KCNK2: variants seen among roughly 807,000 people sequenced by gnomAD.
The protein encoded by KCNK2 is potassium channel subfamily K member 2.
In KCNK2, 21 loss-of-function variants were observed where a neutral mutation model predicts 40.5. That is an observed-to-expected ratio of 0.52 (90% confidence interval 0.37 to 0.75). KCNK2 has a LOEUF of 0.75. Among genes scored for constraint, KCNK2 ranks in the 30% least tolerant of loss-of-function variants. KCNK2 has a pLI of 0.00. For synonymous variants in KCNK2, 191 were observed against 202.2 expected, an observed-to-expected ratio of 0.94 and a Z score of 0.47; for missense variants, 399 against 531.6, an observed-to-expected ratio of 0.75 and a Z score of 2.45.
chr1:215,047,277 A>G (rs1306903453), intron 1 of KCNK2, among the ~76,000 whole-genome samples: 1 of 152,152 alleles, frequency 6.6e-6, no homozygotes, highest in Non-Finnish European at 1.5e-5. Context: ...CCATGTGGCC[A>G]TTGTGCTAAG....
At position 215,009,736 on chromosome 1, in the gene KCNK2, G is replaced by T. The variant is rs559268489; in HGVS notation, c.34+3781G>T. On this transcript the variant is annotated intron_variant, in intron 1 of 6. Transcript: ENST00000391895. Reference sequence around the variant, plus strand: ...TACTTTGTATTGTGTCATCCACAGAGGCCCAACCAATCTGGCACAAAAAAA... The same window carrying T: ...TACTTTGTATTGTGTCATCCACAGATGCCCAACCAATCTGGCACAAAAAAA... Among the ~76,000 whole-genome samples the T allele has an allele frequency of 3.9e-5, 6 of 151,994 alleles. No homozygotes were observed. In the South Asian group the frequency reaches 1.2e-3, roughly 32 times the overall value.
At position 215,235,455 on chromosome 1, in the gene KCNK2, G is replaced by A. The variant is rs1666844516; in HGVS notation, c.*310G>A. The A allele has an allele frequency of 3.8e-6, 1 of 266,480 alleles. No homozygotes were observed. The highest frequency in any genetic ancestry group is 2.2e-5 in the African/African-American group (1 of 46,142). 16.5% of individuals were successfully genotyped at this position (266,480 alleles called of 1,614,324 possible). ...TGCCATAAGGCCTCAGAATGAATGAGAATTGTTTCTGGTAACAATGTAGCT... is the reference window on the plus strand; with the variant it reads ...TGCCATAAGGCCTCAGAATGAATGAAAATTGTTTCTGGTAACAATGTAGCT... On this transcript the variant is annotated 3_prime_UTR_variant, in exon 7 of 7. Transcript: ENST00000444842.
At chr1:215,115,060 A>G (rs192525288) in intron 2 of KCNK2, among the ~76,000 whole-genome samples, 40 of 151,612 alleles carry the variant, frequency 2.6e-4, no homozygotes, top group African/African-American at 9.7e-4. Flanking sequence ...CATCACTATG[A>G]TATTTTAGTT....
At chr1:215,117,931 G>A (rs1268607662) in intron 2 of KCNK2, among the ~76,000 whole-genome samples, 3 of 152,092 alleles carry the variant, frequency 2.0e-5, no homozygotes, top group Non-Finnish European at 4.4e-5. Flanking sequence ...CATTAAGACT[G>A]CCACATGTTA....
At chr1:215,007,071 GTA>G (rs1202610470) in intron 1 of KCNK2, among the ~76,000 whole-genome samples, 2,063 of 70,432 alleles carry the variant, frequency 0.029, 124 homozygotes, top group African/African-American at 0.088. Context: ...GTGTGTGTGT[GTA>G]TATATATATG....
At chr1:215,007,456 G>A (rs553183509) in intron 1 of KCNK2, among the ~76,000 whole-genome samples, 1 of 151,810 alleles carries the variant, frequency 6.6e-6, no homozygotes, top group Non-Finnish European at 1.5e-5. Flanking sequence ...AGCTCTTGGA[G>A]TCAAATTTCT....
intron 5 of KCNK2, among the ~76,000 whole-genome samples, chr1:215,191,241 A>G (rs1392567926): frequency 1.3e-5 from 2 of 150,640 alleles, no homozygotes; most frequent in East Asian, 3.9e-4. Flanking sequence ...GCCGAAATGC[A>G]CCACTGCACT....
intron 3 of KCNK2, among the ~76,000 whole-genome samples, chr1:215,140,267 C>T (rs754639746): frequency 2.6e-5 from 4 of 152,106 alleles, no homozygotes; most frequent in South Asian, 2.1e-4. Context: ...ATTCTTTAGG[C>T]AAGGTGATTC....
intron 1 of KCNK2, among the ~76,000 whole-genome samples, chr1:215,042,131 A>G (rs1657590489): frequency 6.6e-6 from 1 of 152,202 alleles, no homozygotes; most frequent in Non-Finnish European, 1.5e-5. Flanking sequence ...ACTCGTGGGA[A>G]TTATGGGAGC....
intron 2 of KCNK2, among the ~76,000 whole-genome samples, chr1:215,120,517 C>A (rs1558100093): frequency 6.6e-6 from 1 of 152,138 alleles, no homozygotes; most frequent in South Asian, 2.1e-4. Flanking sequence ...CTAAATTCCC[C>A]TTCCCTGATT....
Position 215,235,016 on chromosome 1 carries a change from G to A in KCNK2, c.1152G>A (p.Leu384=), listed in dbSNP as rs1666822518. 3.1e-6 allele frequency: 5 copies of A among 1,614,062 alleles called. No individual in the cohort carries two copies. Among genetic ancestry groups the A allele is most frequent in the Middle Eastern group, 3.3e-4 (2 of 6,062 alleles). ...AGCTGACTCCTTGTAGGAGGACCCT[G>A]TCAGTGAACCACCTGACCAGCGAGA... The part of the protein sequence containing the change: ...NQELTPCRRT[L]SVNHLTSERD... Residue 384 remains leucine, a synonymous_variant, in exon 7 of 7, where the codon CTG becomes CTA. Coordinates refer to ENST00000444842, the MANE Select transcript of KCNK2 (RefSeq NM_001017425.3).
chr1:215,073,714 T>G (rs925868735), intron 1 of KCNK2, among the ~76,000 whole-genome samples: 1 of 152,164 alleles, frequency 6.6e-6, no homozygotes, highest in Non-Finnish European at 1.5e-5. Context: ...TGTGCTATTT[T>G]GGGGAAGTTA....
chr1:215,103,530 G>A (rs954465295), intron 2 of KCNK2, among the ~76,000 whole-genome samples: 9 of 151,934 alleles, frequency 5.9e-5, no homozygotes, highest in African/African-American at 1.7e-4. Flanking sequence ...TCTGGTTAAC[G>A]AGTTCCAAAG....
chr1:215,230,858 A>T (rs1348655789), intron 6 of KCNK2, among the ~76,000 whole-genome samples: 1 of 151,898 alleles, frequency 6.6e-6, no homozygotes, highest in Non-Finnish European at 1.5e-5. Context: ...TACAGAAATG[A>T]GAAAAAAAAA....
intron 6 of KCNK2, among the ~76,000 whole-genome samples, chr1:215,221,552 A>G (rs1666176932): frequency 6.6e-6 from 1 of 152,210 alleles, no homozygotes; most frequent in Non-Finnish European, 1.5e-5. Flanking sequence ...AATCATAGGA[A>G]AGAGAAAATA....
chr1:215,129,685 G>T (rs1247015305), intron 3 of KCNK2, among the ~76,000 whole-genome samples: 1 of 152,142 alleles, frequency 6.6e-6, no homozygotes, highest in Non-Finnish European at 1.5e-5. Flanking sequence ...GGCAGTGCCT[G>T]GGGGACTGGA....
intron 1 of KCNK2, among the ~76,000 whole-genome samples, chr1:215,020,699 T>C (rs1430022134): frequency 6.6e-6 from 1 of 152,192 alleles, no homozygotes; most frequent in African/African-American, 2.4e-5. Flanking sequence ...GTTAGGATTA[T>C]AGGAGTGAGA....
At chr1:215,177,787 T>A (rs143881007) in intron 5 of KCNK2, among the ~76,000 whole-genome samples, 30 of 146,564 alleles carry the variant, frequency 2.0e-4, no homozygotes, top group African/African-American at 7.5e-4. Context: ...TACTCTACCC[T>A]TGTAGTGTTG....
intron 6 of KCNK2, among the ~76,000 whole-genome samples, chr1:215,216,860 T>TGGCTCTGAAGCGCACAGCACAGC (rs1248307168): frequency 6.6e-6 from 1 of 152,172 alleles, no homozygotes; most frequent in African/African-American, 2.4e-5. Context: ...ACAATGGCAG[T>TGGCTCTGAAGCGCACAGCACAGC]GGCTCTGAAG....
Sources: allele counts gnomAD v4.1 joint callset (sites outside exome capture counted in the v4.1 genomes callset), GRCh38; gene constraint gnomAD v4.1.1; transcripts MANE v1.5; gene names NCBI Gene and HGNC (gene_info 2026-07-23, HGNC 2026-07-21).